TIA1: variants seen among roughly 807,000 people sequenced by gnomAD.
TIA1 encodes the protein cytotoxic granule associated RNA binding protein TIA1.
A neutral mutation model predicts 65.9 loss-of-function variants in TIA1; 23 were observed. The ratio of observed to expected loss-of-function variants is 0.35; its 90% CI spans 0.25 to 0.49. The LOEUF (loss-of-function observed/expected upper bound fraction) is 0.49, where lower values mean the gene tolerates loss of function less well. TIA1 is among the 20% of genes least tolerant of loss of function. The pLI is 0.98. For synonymous variants in TIA1, 147 were observed against 149.4 expected, an observed-to-expected ratio of 0.98 and a Z score of 0.12; for missense variants, 371 against 477.9, an observed-to-expected ratio of 0.78 and a Z score of 2.09.
At position 70,234,982 on chromosome 2, in the gene TIA1, G is replaced by A. The variant is rs559865582; in HGVS notation, c.123+1097C>T. On this transcript the variant is annotated intron_variant, in intron 2 of 12. Transcript: ENST00000433529. ...TTTTCTGGAGAAAAGAAAACTGAAA[G>A]TTTATAGCAGGCTGGGTGCAATGGC... Among the ~76,000 whole-genome samples the A allele has an allele frequency of 2.0e-5, 3 of 152,186 alleles. No individual in the cohort carries two copies. The South Asian group carries it at 6.2e-4, about 32-fold the overall frequency.
intron 7 of TIA1, among the ~76,000 whole-genome samples, chr2:70,218,712 C>T (rs1015015589): frequency 7.9e-5 from 12 of 152,170 alleles, no homozygotes; most frequent in South Asian, 2.1e-4. Flanking sequence ...GGATTACAGG[C>T]GTGAGCCACC....
chr2:70,230,305 T>A (rs1390995934), intron 3 of TIA1, among the ~76,000 whole-genome samples: 1 of 151,704 alleles, frequency 6.6e-6, no homozygotes, highest in Non-Finnish European at 1.5e-5. Flanking sequence ...CTAAAAGCTT[T>A]ATCCTACCTT....
At chr2:70,241,802 G>T (rs774856275) in intron 1 of TIA1, among the ~76,000 whole-genome samples, 31 of 151,936 alleles carry the variant, frequency 2.0e-4, no homozygotes, top group Admixed American at 1.2e-3. Context: ...AAATTAGCTG[G>T]GTGTGGTGGT....
chr2:70,238,286 T>G (rs1314604102), intron 1 of TIA1, among the ~76,000 whole-genome samples: 2 of 140,658 alleles, frequency 1.4e-5, no homozygotes, highest in East Asian at 2.1e-4. Flanking sequence ...TTTTTTTTTT[T>G]TGTGGACAAA....
intron 11 of TIA1, 110 bp downstream of exon 11, chr2:70,215,261 T>C (rs1166162997): frequency 1.8e-5 from 25 of 1,406,766 alleles, no homozygotes; most frequent in Non-Finnish European, 2.5e-5. Context: ...AGAGCCCTTA[T>C]ATACTATCAT....
intron 1 of TIA1, among the ~76,000 whole-genome samples, chr2:70,238,310 G>A (rs541727918): frequency 7.9e-4 from 82 of 104,034 alleles, no homozygotes; most frequent in Middle Eastern, 0.024. Context: ...TCTCTCTGTC[G>A]CCCAGGCTGG....
In TIA1 at chr2:70,230,769, T is replaced by C; in HGVS notation, c.209A>G (p.Lys70Arg). The C allele has an allele frequency of 6.8e-6, 11 of 1,607,600 alleles. No individual in the cohort carries two copies. Among genetic ancestry groups the C allele is most frequent in the Non-Finnish European group, 9.3e-6 (11 of 1,177,864 alleles). ...AAALAAMNGR[K>R]IMGKEVKVNW... ...ACGACAGCTTACCTTACCCATTATC[T>C]TCCGTCCATTCATAGCAGCTAATGC... The change falls in exon 3 of 13, where the codon AAG becomes AGG. Residue 70 changes from lysine to arginine, a missense_variant. By Grantham distance (26) the Lys-to-Arg change is conservative. Transcript: ENST00000433529.
chr2:70,228,663 A>G (rs1054193896), intron 5 of TIA1: 14 of 985,346 alleles, frequency 1.4e-5, no homozygotes, highest in African/African-American at 3.5e-5. Context: ...GCATATTTGG[A>G]AAGAAAAGTT....
intron 1 of TIA1, among the ~76,000 whole-genome samples, chr2:70,237,412 T>C (rs1050249919): frequency 9.3e-5 from 14 of 150,630 alleles, no homozygotes; most frequent in African/African-American, 3.4e-4. Flanking sequence ...AAAAAGAAAA[T>C]ATATTACACC....
chr2:70,218,594 T>C (rs1679747132), intron 7 of TIA1, among the ~76,000 whole-genome samples: 1 of 152,118 alleles, frequency 6.6e-6, no homozygotes, highest in Admixed American at 6.5e-5. Flanking sequence ...TATTTTTTAG[T>C]AGAGACAGGG....
Position 70,214,348 on chromosome 2 carries a change from C to T in TIA1, c.1034+1G>A. On this transcript the variant is annotated splice_donor_variant, in intron 12 of 12. Transcript: ENST00000433529. LOFTEE classifies it high-confidence loss of function. ...TAAAGGAAGACATAAGATATGCTTA[C>T]TTAAATCCTTGCTGGTTCCATGCCT... The T allele has an allele frequency of 6.2e-7, 1 of 1,610,652 alleles. No individual in the cohort carries two copies. The highest frequency in any genetic ancestry group is 8.5e-7 in the Non-Finnish European group (1 of 1,178,982).
At chr2:70,228,264 G>C in intron 5 of TIA1, 1 of 1,162,124 alleles carries the variant, frequency 8.6e-7, no homozygotes, top group Non-Finnish European at 1.1e-6. Context: ...ATTTGCCTCA[G>C]TTAACACAAT....
At position 70,212,371 on chromosome 2, in the gene TIA1, A is replaced by C. The variant is rs1676705551; in HGVS notation, c.*348T>G. 1 of 184,932 alleles carries C rather than the reference A, an allele frequency of 5.4e-6. No homozygotes were observed. The highest frequency in any genetic ancestry group is 2.4e-5 in the African/African-American group (1 of 42,520). The allele number at this position is 184,932 out of a possible 1,614,324, so 11.5% of individuals were successfully genotyped here. ...GTTTTAAATCATATCAGGAATGCAA[A>C]CTAGAACTGCACACTACTTCAGTGG... On this transcript the variant is annotated 3_prime_UTR_variant, in exon 13 of 13. Transcript: ENST00000433529.
chr2:70,221,609 C>T (rs1303155887), intron 7 of TIA1, among the ~76,000 whole-genome samples: 1 of 152,006 alleles, frequency 6.6e-6, no homozygotes, highest in East Asian at 1.9e-4. Context: ...GGGAAATCTA[C>T]AGAGACAGAA....
At position 70,210,936 on chromosome 2, in the gene TIA1, G is replaced by A. The variant is rs1251598450; in HGVS notation, c.*1783C>T. The A allele has an allele frequency of 6.6e-6, 1 of 152,154 alleles. No individual in the cohort carries two copies. Among genetic ancestry groups the A allele is most frequent in the Non-Finnish European group, 1.5e-5 (1 of 68,034 alleles). The allele number at this position is 152,154 out of a possible 1,614,324, so 9.4% of individuals were successfully genotyped here. ...TATCAGCACAACTGCATAGAATTGAGCTCCAGAGAATTATACACTCGAGCT... is the reference window on the plus strand; with the variant it reads ...TATCAGCACAACTGCATAGAATTGAACTCCAGAGAATTATACACTCGAGCT... On this transcript the variant is annotated 3_prime_UTR_variant, in exon 13 of 13. Coordinates refer to ENST00000433529, the MANE Select transcript of TIA1 (RefSeq NM_022173.4).
chr2:70,228,323 G>C (rs1255136981), intron 5 of TIA1: 1 of 1,281,360 alleles, frequency 7.8e-7, no homozygotes, highest in African/African-American at 1.5e-5. Context: ...CATATTTTGT[G>C]AAGAACAATC....
chr2:70,224,660 T>A, intron 6 of TIA1, 31 bp from the exon 7 acceptor site: 1 of 1,611,564 alleles, frequency 6.2e-7, no homozygotes, highest in African/African-American at 1.3e-5. Context: ...AAGTTTAGGT[T>A]TGCAAACTAT....
At chr2:70,234,156 T>TA (rs1378940447) in intron 2 of TIA1, among the ~76,000 whole-genome samples, 1 of 152,230 alleles carries the variant, frequency 6.6e-6, no homozygotes, top group East Asian at 1.9e-4. Context: ...TATATTCGGA[T>TA]AAATCAATTA....
chr2:70,215,955 A>G (rs949975931), intron 10 of TIA1, among the ~76,000 whole-genome samples: 1 of 152,000 alleles, frequency 6.6e-6, no homozygotes, highest in Non-Finnish European at 1.5e-5. Context: ...GGGGTTTCAC[A>G]ATGTTGGCCA....
Sources: gnomAD v4.1 joint callset for allele counts (sites outside exome capture counted in the v4.1 genomes callset) on GRCh38, gnomAD v4.1.1 for gene constraint, MANE v1.5 for transcripts, NCBI Gene and HGNC (gene_info 2026-07-23, HGNC 2026-07-21) for gene names.